Variants in DAPK2 observed in about 807,000 individuals in gnomAD.
DAPK2 encodes death associated protein kinase 2.
DAPK2 carries 35 observed loss-of-function variants against 44.1 expected under a neutral mutation model. The observed-to-expected ratio is 0.79, with a 90% CI of 0.61 to 1.05. DAPK2 has a LOEUF of 1.05. Among genes scored for constraint, DAPK2 ranks in the 50% least tolerant of loss-of-function variants. The pLI, the probability that DAPK2 is intolerant of heterozygous loss-of-function variation, is 0.00. For synonymous variants in DAPK2, 174 were observed against 182.6 expected, an observed-to-expected ratio of 0.95 and a Z score of 0.38; for missense variants, 453 against 483.2, an observed-to-expected ratio of 0.94 and a Z score of 0.59.
intron 8 of DAPK2, chr15:63,921,018 T>G (rs1315218668): frequency 6.6e-6 from 1 of 152,328 alleles, no homozygotes; most frequent in Non-Finnish European, 1.5e-5. Flanking sequence ...TGCAGTGCTA[T>G]GTGCTTCTCT....
chr15:63,962,932 A>G (rs1003402004), intron 3 of DAPK2, among the ~76,000 whole-genome samples: 6 of 152,258 alleles, frequency 3.9e-5, no homozygotes, highest in African/African-American at 1.4e-4. Flanking sequence ...TTATTCAGCT[A>G]TGCCGTGCCC....
intron 3 of DAPK2, among the ~76,000 whole-genome samples, chr15:63,969,324 G>T (rs1455147466): frequency 1.3e-5 from 2 of 152,144 alleles, no homozygotes; most frequent in Admixed American, 1.3e-4. Flanking sequence ...GGAGGCTGAG[G>T]TGGGAGGATT....
chr15:63,942,864 T>C (rs2077347101), intron 3 of DAPK2, among the ~76,000 whole-genome samples: 1 of 152,124 alleles, frequency 6.6e-6, no homozygotes, highest in Non-Finnish European at 1.5e-5. Flanking sequence ...TGCTTCTTAC[T>C]CTGATGAGCT....
At chr15:64,001,203 A>C (rs2079077045) in intron 1 of DAPK2, among the ~76,000 whole-genome samples, 1 of 125,808 alleles carries the variant, frequency 7.9e-6, no homozygotes, top group Non-Finnish European at 1.8e-5. Context: ...AATCACCTCC[A>C]CTACCTGCCA....
intron 3 of DAPK2, among the ~76,000 whole-genome samples, chr15:63,951,815 G>A (rs1327520274): frequency 6.6e-6 from 1 of 152,224 alleles, no homozygotes; most frequent in Non-Finnish European, 1.5e-5. Flanking sequence ...ATCCGTGTGT[G>A]TGCCTGGTTT....
At chr15:63,933,849 C>G (rs940817950) in intron 4 of DAPK2, among the ~76,000 whole-genome samples, 1 of 152,134 alleles carries the variant, frequency 6.6e-6, no homozygotes, top group African/African-American at 2.4e-5. Flanking sequence ...CCGGCCTCAG[C>G]CTCCCAAAGT....
intron 4 of DAPK2, among the ~76,000 whole-genome samples, chr15:63,934,580 G>A (rs1037357433): frequency 2.6e-5 from 4 of 151,150 alleles, no homozygotes; most frequent in Admixed American, 2.0e-4. Context: ...TGTGTTTTGA[G>A]ACAGACTCTC....
intron 1 of DAPK2, among the ~76,000 whole-genome samples, chr15:63,991,650 G>C (rs2078823164): frequency 6.6e-6 from 1 of 152,194 alleles, no homozygotes; most frequent in Non-Finnish European, 1.5e-5. Flanking sequence ...AAAAGCTCCA[G>C]GGAACACAGT....
chr15:63,911,892 G>A lies in DAPK2; in HGVS notation c.1032+16C>T, dbSNP rs1182611912. On this transcript the variant is annotated intron_variant, in intron 10 of 10. Transcript: ENST00000261891. ...CCCCAGAATTCTGCCCAAGAAGAGG[G>A]CATGCATTTACCCACCAGGTCCTCA... 6.2e-7 allele frequency: 1 copy of A among 1,611,654 alleles called. No individual in the cohort carries two copies. Among genetic ancestry groups the A allele is most frequent in the Non-Finnish European group, 8.5e-7 (1 of 1,178,948 alleles).
chr15:64,037,657 C>T (rs2080246016), intron 1 of DAPK2, among the ~76,000 whole-genome samples: 1 of 152,164 alleles, frequency 6.6e-6, no homozygotes, highest in South Asian at 2.1e-4. Context: ...AAGAATAGGA[C>T]TGTCCCTTCA....
chr15:64,008,953 G>C (rs891329839), intron 1 of DAPK2, among the ~76,000 whole-genome samples: 1 of 152,156 alleles, frequency 6.6e-6, no homozygotes, highest in African/African-American at 2.4e-5. Flanking sequence ...CCCCTTTTCA[G>C]TCTGCAAACA....
chr15:63,939,405 GA>G lies in DAPK2; in HGVS notation c.454-45del, dbSNP rs200347768. On this transcript the variant is annotated intron_variant, in intron 3 of 10. Transcript: ENST00000261891. The surrounding 1 kb of genome is among the most constrained non-coding windows in gnomAD (Gnocchi z 4.3). ...AAAAAAAAAAAAGGAAGGAAGAAAA[GA>G]AAAAAAAAGACGGTAATTAAAGGCT... is the stretch of plus-strand genomic sequence containing the variant. The G allele has an allele frequency of 1.2e-3, 1,800 of 1,468,502 alleles. 29 individuals are homozygous for G. The East Asian group carries it at 0.033, about 27-fold the overall frequency. The allele number at this position is 1,468,502 out of a possible 1,614,324, so 91.0% of individuals were successfully genotyped here. A position where few individuals can be genotyped will look rare whatever the true frequency, so the allele number is the denominator to read the frequency against.
At chr15:63,930,327 G>T in intron 5 of DAPK2, 80 bp downstream of exon 6, 2 of 1,337,944 alleles carry the variant, frequency 1.5e-6, no homozygotes, top group Non-Finnish European at 2.2e-6. Flanking sequence ...ATGGTTAAGC[G>T]GATGTCACCT....
chr15:64,039,753 G>T (rs888814407), intron 1 of DAPK2, among the ~76,000 whole-genome samples: 3 of 152,064 alleles, frequency 2.0e-5, no homozygotes, highest in African/African-American at 4.8e-5. Flanking sequence ...CCATTCTCAG[G>T]AGGATTACCT....
chr15:63,963,555 C>T (rs1385417319), intron 3 of DAPK2, among the ~76,000 whole-genome samples: 1 of 152,156 alleles, frequency 6.6e-6, no homozygotes, highest in East Asian at 1.9e-4. Flanking sequence ...AATGTTATTA[C>T]TGATAAGTAA....
chr15:63,944,646 T>G (rs2077403178), intron 3 of DAPK2, among the ~76,000 whole-genome samples: 2 of 152,208 alleles, frequency 1.3e-5, no homozygotes, highest in Admixed American at 1.3e-4. Flanking sequence ...CAGGGCTAAA[T>G]GATTTGCCAA....
At chr15:63,972,336 G>A (rs1567242175) in intron 2 of DAPK2, among the ~76,000 whole-genome samples, 1 of 152,228 alleles carries the variant, frequency 6.6e-6, no homozygotes, top group Non-Finnish European at 1.5e-5. Context: ...GCTGGAAGAG[G>A]TTTGGGGTGC....
intron 3 of DAPK2, among the ~76,000 whole-genome samples, chr15:63,943,365 C>G (rs1004252516): frequency 2.0e-5 from 3 of 152,066 alleles, no homozygotes; most frequent in African/African-American, 7.2e-5. Context: ...GAGGTTGAGG[C>G]TGCAATAAGT....
chr15:64,026,039 C>T (rs1355688979), intron 1 of DAPK2, among the ~76,000 whole-genome samples: 4 of 152,136 alleles, frequency 2.6e-5, no homozygotes, highest in Admixed American at 6.5e-5. Context: ...TAGGAGCCCT[C>T]GCAGGTGAAA....
Sources: allele counts gnomAD v4.1 joint callset (sites outside exome capture counted in the v4.1 genomes callset), GRCh38; gene constraint gnomAD v4.1.1; non-coding constraint Gnocchi (gnomAD v3.1); transcripts MANE v1.5; gene names NCBI Gene and HGNC (gene_info 2026-07-23, HGNC 2026-07-21).